Variants in NKIRAS1 observed in about 807,000 individuals in gnomAD.
The protein encoded by NKIRAS1 is NFKB inhibitor interacting Ras like 1.
NKIRAS1 carries 16 observed loss-of-function variants against 19.8 expected under a neutral mutation model. The ratio of observed to expected loss-of-function variants is 0.81; its 90% CI spans 0.55 to 1.23. The LOEUF is 1.23. Ranked by LOEUF, NKIRAS1 falls within the 50% of genes most tolerant of loss-of-function variation. NKIRAS1 has a pLI of 0.00. For missense variants in NKIRAS1, 184 were observed against 220.0 expected, an observed-to-expected ratio of 0.84 and a Z score of 1.04; for synonymous variants, 88 against 79.0, an observed-to-expected ratio of 1.11 and a Z score of -0.61.
chr3:23,914,650 A>G (rs1399366520), intron 1 of NKIRAS1, among the ~76,000 whole-genome samples: 2 of 152,224 alleles, frequency 1.3e-5, no homozygotes, highest in African/African-American at 4.8e-5. Context: ...GCCATCAGGG[A>G]CAAACTAGGG....
intron 1 of NKIRAS1, among the ~76,000 whole-genome samples, chr3:23,913,756 T>TGA (rs1382992365): frequency 6.6e-6 from 1 of 152,224 alleles, no homozygotes; most frequent in African/African-American, 2.4e-5. Context: ...AAGGTGGTCA[T>TGA]CTGCAGTACC....
chr3:23,917,534 G>C (rs1329759217), upstream of NKIRAS1: 4 of 241,284 alleles, frequency 1.7e-5, no homozygotes, highest in Non-Finnish European at 3.2e-5. Context: ...TGATGTCAGC[G>C]GCATCTCCTT....
upstream of NKIRAS1, chr3:23,919,289 A>G: frequency 6.2e-7 from 1 of 1,608,694 alleles, no homozygotes; most frequent in Non-Finnish European, 8.5e-7. Flanking sequence ...GGTTATCCTC[A>G]TTGATCCATT....
intron 1 of NKIRAS1, among the ~76,000 whole-genome samples, chr3:23,941,393 T>C (rs1164241648): frequency 1.3e-5 from 2 of 152,206 alleles, no homozygotes; most frequent in Non-Finnish European, 2.9e-5. Context: ...CTCTGTTAAT[T>C]GTATGTAAGG....
chr3:23,933,950 T>C (rs1257853724), intron 1 of NKIRAS1, among the ~76,000 whole-genome samples: 1 of 152,200 alleles, frequency 6.6e-6, no homozygotes, highest in Non-Finnish European at 1.5e-5. Flanking sequence ...CGCTTCAACA[T>C]CTTTTACAAT....
intron 1 of NKIRAS1, among the ~76,000 whole-genome samples, chr3:23,945,095 G>A (rs1030515678): frequency 1.3e-5 from 2 of 151,478 alleles, no homozygotes; most frequent in African/African-American, 4.8e-5. Context: ...GAAAAACGAA[G>A]GAAGAGGAGG....
chr3:23,909,978 C>A (rs1252805752), intron 3 of NKIRAS1, among the ~76,000 whole-genome samples: 1 of 150,748 alleles, frequency 6.6e-6, no homozygotes, highest in African/African-American at 2.4e-5. Context: ...CCTACCTCAA[C>A]CTCCTGAGTA....
In NKIRAS1 at chr3:23,938,754, CAT is replaced by C. The variant is rs1158645938; in HGVS notation, c.-140+7567_-140+7568del. On this transcript the variant is annotated intron_variant, in intron 1 of 4. Transcript: ENST00000421515. ...CAATAATGCAGCAAAATTCATGCCA[CAT>C]GTCTTCTGAGGCATGATCAGAAAAG... 4.6e-5 allele frequency among the ~76,000 whole-genome samples: 7 copies of C among 152,312 alleles called. No homozygotes were observed. The South Asian group carries it at 1.2e-3, about 27-fold the overall frequency.
At chr3:23,940,765 C>T (rs995320528) in intron 1 of NKIRAS1, among the ~76,000 whole-genome samples, 3 of 152,012 alleles carry the variant, frequency 2.0e-5, no homozygotes, top group Non-Finnish European at 2.9e-5. Flanking sequence ...ATTATTGAGG[C>T]AGAATTGTGG....
At chr3:23,899,960 G>A (rs1051191884) in intron 4 of NKIRAS1, among the ~76,000 whole-genome samples, 7 of 151,728 alleles carry the variant, frequency 4.6e-5, no homozygotes, top group Non-Finnish European at 1.0e-4. Context: ...TCAGGAGATC[G>A]AGACCATCCT....
At chr3:23,917,996 A>G, upstream of NKIRAS1, 1 of 1,611,078 alleles carries the variant, frequency 6.2e-7, no homozygotes, top group Non-Finnish European at 8.5e-7. Context: ...ACCCGGCCTG[A>G]TAAAGCGCGC....
At chr3:23,916,541 C>T (rs1024123878) in intron 1 of NKIRAS1, 9 of 152,406 alleles carry the variant, frequency 5.9e-5, no homozygotes, top group African/African-American at 2.2e-4. Flanking sequence ...GCGCTGGGGC[C>T]TGCTGGAGGA....
chr3:23,925,548 C>T (rs900114092), intron 1 of NKIRAS1, among the ~76,000 whole-genome samples: 1 of 152,158 alleles, frequency 6.6e-6, no homozygotes, highest in African/African-American at 2.4e-5. Flanking sequence ...GTGGGAGAAT[C>T]ACCTGAGCTT....
At chr3:23,915,864 T>G (rs575815798) in intron 1 of NKIRAS1, 1 of 152,362 alleles carries the variant, frequency 6.6e-6, no homozygotes, top group South Asian at 2.1e-4. Context: ...CATTCCAAAT[T>G]GCAACCCTCA....
intron 3 of NKIRAS1, among the ~76,000 whole-genome samples, chr3:23,902,004 G>A (rs1702567822): frequency 1.3e-5 from 2 of 152,156 alleles, no homozygotes; most frequent in Admixed American, 1.3e-4. Flanking sequence ...AACCTGGGAG[G>A]CAGAGGTTGC....
In NKIRAS1 at chr3:23,926,806, C is replaced by T. The variant is rs1335849939; in HGVS notation, c.-139-15356G>A. Among the ~76,000 whole-genome samples, 1 of 152,182 alleles carries T rather than the reference C, an allele frequency of 6.6e-6. No individual in the cohort carries two copies. Among genetic ancestry groups the T allele is most frequent in the East Asian group, 1.9e-4 (1 of 5,204 alleles). ...TAGTTTTCCATTTGCTGCAATTTGG[C>T]TGCATCTTTTGCCAAACTGTTGGAC... On this transcript the variant is annotated intron_variant, in intron 1 of 4. Coordinates refer to the NKIRAS1 transcript ENST00000421515. This position sits in a 1 kb window ranked among gnomAD's most constrained non-coding sequence, Gnocchi z 4.3.
At chr3:23,918,609 A>G (rs1426992319), upstream of NKIRAS1, 2 of 1,606,844 alleles carry the variant, frequency 1.2e-6, no homozygotes, top group South Asian at 1.1e-5. Flanking sequence ...TATATTGAAT[A>G]CTGCCTGGGG....
intron 3 of NKIRAS1, among the ~76,000 whole-genome samples, chr3:23,902,832 G>A (rs1702652975): frequency 2.0e-5 from 3 of 152,214 alleles, no homozygotes; most frequent in Admixed American, 2.0e-4. Flanking sequence ...AAGGGAATGA[G>A]TTCCACCATG....
At chr3:23,937,821 A>G (rs1395124687) in intron 1 of NKIRAS1, among the ~76,000 whole-genome samples, 1 of 152,060 alleles carries the variant, frequency 6.6e-6, no homozygotes, top group Non-Finnish European at 1.5e-5. Flanking sequence ...TCTTGGCCAG[A>G]TGGTTTCTGT....
Sources: gnomAD v4.1 joint callset for allele counts (sites outside exome capture counted in the v4.1 genomes callset) on GRCh38, gnomAD v4.1.1 for gene constraint, Gnocchi (gnomAD v3.1) non-coding constraint, MANE v1.5 for transcripts, NCBI Gene and HGNC (gene_info 2026-07-23, HGNC 2026-07-21) for gene names.